Variants in ACYP2 observed in about 807,000 individuals in gnomAD.
ACYP2 encodes acylphosphatase-2.
Under a neutral mutation model 11.2 loss-of-function variants are expected in ACYP2, and 12 were observed. That is an observed-to-expected ratio of 1.08 (90% CI 0.69 to 1.74). The LOEUF (loss-of-function observed/expected upper bound fraction) is 1.74, where lower values mean the gene tolerates loss of function less well. Ranked by LOEUF, ACYP2 falls within the 40% of genes most tolerant of loss-of-function variation. The pLI, the probability that ACYP2 is intolerant of heterozygous loss-of-function variation, is 0.00. For missense variants in ACYP2, 134 were observed against 101.9 expected (o/e 1.31, Z -1.35); for synonymous variants, 43 against 32.2 (o/e 1.33, Z -1.13).
At chr2:54,144,775 A>G (rs185801015) in intron 6 of ACYP2, among the ~76,000 whole-genome samples, 128 of 152,114 alleles carry the variant, frequency 8.4e-4, no homozygotes, top group African/African-American at 2.8e-3. Context: ...TCCTTAATCA[A>G]GCTCTGACAG....
intron 6 of ACYP2, among the ~76,000 whole-genome samples, chr2:54,163,858 A>G (rs1682837542): frequency 6.6e-6 from 1 of 150,806 alleles, no homozygotes; most frequent in Non-Finnish European, 1.5e-5. Flanking sequence ...CTCTGTCTCA[A>G]AAAAAAAAAG....
intron 4 of ACYP2, among the ~76,000 whole-genome samples, chr2:54,124,884 A>G (rs1449350788): frequency 6.6e-6 from 1 of 152,040 alleles, no homozygotes; most frequent in Non-Finnish European, 1.5e-5. Context: ...GCATGTGCTA[A>G]CTAGAGGCAT....
intron 6 of ACYP2, among the ~76,000 whole-genome samples, chr2:54,277,018 T>C (rs914521311): frequency 6.6e-5 from 10 of 152,204 alleles, no homozygotes; most frequent in Non-Finnish European, 4.4e-5. Flanking sequence ...AAATAACATA[T>C]AAAAAATCCT....
intron 6 of ACYP2, among the ~76,000 whole-genome samples, chr2:54,246,519 A>G (rs572124080): frequency 2.0e-5 from 3 of 152,104 alleles, no homozygotes; most frequent in Non-Finnish European, 4.4e-5. Flanking sequence ...CCCCCATTTC[A>G]TCTTCCAACT....
intron 6 of ACYP2, among the ~76,000 whole-genome samples, chr2:54,249,073 C>T (rs1020033155): frequency 1.3e-5 from 2 of 151,976 alleles, no homozygotes; most frequent in African/African-American, 4.8e-5. Context: ...TGTAGCTGAT[C>T]TTGGATGCAG....
chr2:54,001,427 CTT>C (rs1034382370), intron 2 of ACYP2, among the ~76,000 whole-genome samples: 1 of 152,116 alleles, frequency 6.6e-6, no homozygotes, highest in African/African-American at 2.4e-5. Context: ...GAGTTTTGCT[CTT>C]GTCGCCCAGG....
intron 2 of ACYP2, among the ~76,000 whole-genome samples, chr2:54,008,248 C>A (rs983016713): frequency 3.3e-5 from 5 of 152,222 alleles, no homozygotes; most frequent in African/African-American, 4.8e-5. Context: ...CTAAAGTCCA[C>A]TAACACCTCT....
At chr2:54,287,892 A>T (rs532365774) in intron 6 of ACYP2, among the ~76,000 whole-genome samples, 5 of 152,018 alleles carry the variant, frequency 3.3e-5, no homozygotes, top group Non-Finnish European at 7.3e-5. Context: ...GTGTGAGGGT[A>T]GTTTGAACAG....
chr2:54,176,942 C>T (rs1417465299), intron 6 of ACYP2, among the ~76,000 whole-genome samples: 1 of 152,174 alleles, frequency 6.6e-6, no homozygotes, highest in Admixed American at 6.5e-5. Context: ...CTCTGTCAAT[C>T]CAGCTTCCCT....
At chr2:54,151,025 G>A (rs962029635) in intron 6 of ACYP2, among the ~76,000 whole-genome samples, 6 of 152,164 alleles carry the variant, frequency 3.9e-5, no homozygotes, top group African/African-American at 1.2e-4. Flanking sequence ...ACAGGGGTGA[G>A]CCACCGCGCC....
intron 2 of ACYP2, among the ~76,000 whole-genome samples, chr2:54,001,948 A>G (rs1431170991): frequency 2.0e-5 from 3 of 152,180 alleles, no homozygotes; most frequent in Non-Finnish European, 2.9e-5. Flanking sequence ...CTCTTCCACT[A>G]TCAACATACC....
At chr2:53,991,789 T>C (rs1242331591) in intron 2 of ACYP2, among the ~76,000 whole-genome samples, 1 of 152,000 alleles carries the variant, frequency 6.6e-6, no homozygotes, top group African/African-American at 2.4e-5. Context: ...AAGTTTTTTA[T>C]ATTTATTTAT....
chr2:53,994,101 C>T (rs1019060942), intron 2 of ACYP2, among the ~76,000 whole-genome samples: 15 of 152,014 alleles, frequency 9.9e-5, no homozygotes, highest in African/African-American at 3.6e-4. Flanking sequence ...GAGTCCAAGG[C>T]GGGCGGATCC....
At chr2:54,268,658 A>AC (rs1237781016) in intron 6 of ACYP2, among the ~76,000 whole-genome samples, 1 of 151,408 alleles carries the variant, frequency 6.6e-6, no homozygotes, top group African/African-American at 2.4e-5. Flanking sequence ...AAAAAAAAAA[A>AC]AATTAGCTGG....
chr2:54,063,509 G>A (rs1481863691), intron 4 of ACYP2, among the ~76,000 whole-genome samples: 1 of 152,156 alleles, frequency 6.6e-6, no homozygotes, highest in Non-Finnish European at 1.5e-5. Context: ...TTTGACCCAG[G>A]AGAGGCATCA....
intron 4 of ACYP2, among the ~76,000 whole-genome samples, chr2:54,087,403 A>G (rs1004706958): frequency 6.6e-6 from 1 of 152,088 alleles, no homozygotes. Context: ...GCTGAATTAC[A>G]GTGGCGCCAT....
At chr2:54,120,917 C>T (rs1033019718) in intron 4 of ACYP2, among the ~76,000 whole-genome samples, 1 of 152,210 alleles carries the variant, frequency 6.6e-6, no homozygotes, top group Non-Finnish European at 1.5e-5. Context: ...AAGTGTTACA[C>T]TGTCGTTCAT....
chr2:54,003,559 C>T (rs567207600), intron 2 of ACYP2, among the ~76,000 whole-genome samples: 15 of 152,300 alleles, frequency 9.8e-5, no homozygotes, highest in African/African-American at 3.4e-4. Flanking sequence ...TGTGCCTGGC[C>T]CAGAGCTCAT....
At chr2:54,042,610 G>A (rs1675296417) in intron 2 of ACYP2, among the ~76,000 whole-genome samples, 1 of 152,138 alleles carries the variant, frequency 6.6e-6, no homozygotes, top group Non-Finnish European at 1.5e-5. Flanking sequence ...TTTTGGCCAG[G>A]ACTCAATATT....
Sources: gnomAD v4.1 joint callset for allele counts (sites outside exome capture counted in the v4.1 genomes callset) on GRCh38, gnomAD v4.1.1 for gene constraint, MANE v1.5 for transcripts, NCBI Gene and HGNC (gene_info 2026-07-23, HGNC 2026-07-21) for gene names.